Variants in APBB2 observed in about 807,000 individuals in gnomAD.
APBB2 encodes the protein Fe65-like 1.
A neutral mutation model predicts 82.5 loss-of-function variants in APBB2; 38 were observed. That is an observed-to-expected ratio of 0.46 (90% CI 0.36 to 0.60). APBB2 has a LOEUF of 0.60. Ranked by LOEUF, APBB2 falls within the 20% of genes least tolerant of loss-of-function variation. The probability of loss-of-function intolerance (pLI) is 0.00; values close to 1 mark genes in which losing one functional copy is unlikely to be tolerated. For missense variants in APBB2, 772 were observed against 972.3 expected, an observed-to-expected ratio of 0.79 and a Z score of 2.74; for synonymous variants, 341 against 368.2, an observed-to-expected ratio of 0.93 and a Z score of 0.85.
rs184580091 is a variant in APBB2 at position 41,019,506 on chromosome 4, A to G, written c.20-5108T>C. On this transcript the variant is annotated intron_variant, in intron 5 of 17. Transcript: ENST00000508593. ...CTCTATGAAGAGAAAGTTTTCCCAGAGAGGAAACAGTCTAGGGGTATGGTG... is the reference window on the plus strand; with the variant it reads ...CTCTATGAAGAGAAAGTTTTCCCAGGGAGGAAACAGTCTAGGGGTATGGTG... Among the ~76,000 whole-genome samples the G allele has an allele frequency of 1.3e-3, 200 of 152,268 alleles. 1 individual carries two copies. The highest frequency in any genetic ancestry group is 4.5e-3 in the African/African-American group (188 of 41,544).
At chr4:41,170,214 T>C (rs193189869) in intron 1 of APBB2, among the ~76,000 whole-genome samples, 11 of 138,368 alleles carry the variant, frequency 7.9e-5, no homozygotes, top group Admixed American at 1.4e-4. Context: ...AAACTATTTC[T>C]TTTTTTCTTT....
intron 12 of APBB2, chr4:40,857,198 G>C (rs979167581): frequency 1.4e-5 from 14 of 984,824 alleles, no homozygotes; most frequent in Non-Finnish European, 1.7e-5. Context: ...TCCCTGCCCC[G>C]CCCGCCGCGG....
intron 12 of APBB2, among the ~76,000 whole-genome samples, chr4:40,840,770 G>A (rs1577868400): frequency 6.6e-6 from 1 of 152,152 alleles, no homozygotes; most frequent in East Asian, 1.9e-4. Context: ...TTATCGAGGT[G>A]GCTTGGGCAA....
intron 6 of APBB2, among the ~76,000 whole-genome samples, chr4:40,988,398 G>A (rs1800983229): frequency 6.6e-6 from 1 of 151,998 alleles, no homozygotes; most frequent in African/African-American, 2.4e-5. Flanking sequence ...CACTTTGGGA[G>A]GTGGAGGCAG....
chr4:40,898,537 TTA>T (rs769495010), intron 10 of APBB2, among the ~76,000 whole-genome samples: 1 of 151,556 alleles, frequency 6.6e-6, no homozygotes, highest in Non-Finnish European at 1.5e-5. Context: ...AGTGCTGGGA[TTA>T]TAGGCATTTG....
chr4:41,128,398 A>C (rs1755028590), intron 2 of APBB2, among the ~76,000 whole-genome samples: 1 of 152,244 alleles, frequency 6.6e-6, no homozygotes, highest in Non-Finnish European at 1.5e-5. Flanking sequence ...CAACCCAGCA[A>C]TCCCATTGTT....
chr4:40,881,138 G>A (rs756979839), intron 12 of APBB2: 6 of 985,242 alleles, frequency 6.1e-6, no homozygotes, highest in South Asian at 4.7e-5. Context: ...TCAGCAAAAC[G>A]GTCAAGTAAA....
intron 6 of APBB2, among the ~76,000 whole-genome samples, chr4:40,954,339 A>G (rs1023753516): frequency 2.6e-5 from 4 of 152,138 alleles, no homozygotes; most frequent in Non-Finnish European, 4.4e-5. Flanking sequence ...CCCTTCCCCA[A>G]CATTTGTGCA....
chr4:40,900,406 G>A (rs1485334676), intron 10 of APBB2, among the ~76,000 whole-genome samples: 1 of 151,064 alleles, frequency 6.6e-6, no homozygotes, highest in South Asian at 2.1e-4. Flanking sequence ...GACCATGAAT[G>A]AAGGATACAC....
chr4:41,171,109 C>T (rs997252937), intron 1 of APBB2, among the ~76,000 whole-genome samples: 14 of 152,196 alleles, frequency 9.2e-5, no homozygotes, highest in African/African-American at 2.7e-4. Flanking sequence ...GAACTCCTGT[C>T]TAGACCCCCT....
chr4:41,153,361 T>A (rs1383977007), intron 1 of APBB2, among the ~76,000 whole-genome samples: 2 of 152,244 alleles, frequency 1.3e-5, no homozygotes, highest in African/African-American at 4.8e-5. Flanking sequence ...ACCTAAGCAG[T>A]ATTAGTCTTA....
At chr4:40,983,583 T>G (rs986701097) in intron 6 of APBB2, among the ~76,000 whole-genome samples, 17 of 366 alleles carry the variant, frequency 0.046, no homozygotes, top group Admixed American at 0.12. Context: ...AATTATGACT[T>G]TTTTTTTTTT....
intron 3 of APBB2, among the ~76,000 whole-genome samples, chr4:41,075,384 T>C (rs1348862362): frequency 6.6e-6 from 1 of 152,242 alleles, no homozygotes; most frequent in Admixed American, 6.5e-5. Context: ...ATACTCGGCC[T>C]TGATTCTGCT....
At chr4:41,096,561 T>C (rs1005657764) in intron 3 of APBB2, among the ~76,000 whole-genome samples, 10 of 152,232 alleles carry the variant, frequency 6.6e-5, no homozygotes, top group Admixed American at 3.9e-4. Context: ...CACACACACA[T>C]CCATGTTTTC....
At chr4:40,962,629 G>C (rs1275583296) in intron 6 of APBB2, among the ~76,000 whole-genome samples, 1 of 152,126 alleles carries the variant, frequency 6.6e-6, no homozygotes, top group Non-Finnish European at 1.5e-5. Context: ...ATGTATTTAG[G>C]AGTGGTCCCC....
chr4:41,185,657 CT>C (rs1358069743), intron 1 of APBB2, among the ~76,000 whole-genome samples: 1 of 152,116 alleles, frequency 6.6e-6, no homozygotes, highest in Non-Finnish European at 1.5e-5. Context: ...TTGGCCTTCA[CT>C]TTATTGCAAC....
chr4:40,967,925 T>C lies in APBB2; in HGVS notation c.836-22852A>G, dbSNP rs374680475. Among the ~76,000 whole-genome samples the C allele has an allele frequency of 1.8e-4, 28 of 152,298 alleles. No homozygotes were observed. In the South Asian group the frequency reaches 5.2e-3, roughly 28 times the overall value. On this transcript the variant is annotated intron_variant, in intron 6 of 17. Transcript: ENST00000508593. ...CCCATCAAGTGGAAGGGAGGGCTTT[T>C]AGAGGGGTAGGCTGAGATGCTGGGT...
rs533280667 is a variant in APBB2 at position 40,863,829 on chromosome 4, G to A, written c.1529+26535C>T. On this transcript the variant is annotated intron_variant, in intron 12 of 17. Transcript: ENST00000508593. ...AATTCACTTGAACCCGAAAGGCAGAGGTTGTAGTGAGCTGAGATCACACCA... is the reference window on the plus strand; with the variant it reads ...AATTCACTTGAACCCGAAAGGCAGAAGTTGTAGTGAGCTGAGATCACACCA... Among the ~76,000 whole-genome samples the A allele has an allele frequency of 9.7e-5, 14 of 145,048 alleles. No individual in the cohort carries two copies. The South Asian group carries it at 2.4e-3, about 25-fold the overall frequency.
At chr4:41,156,980 C>T (rs1318195966) in intron 1 of APBB2, among the ~76,000 whole-genome samples, 2 of 151,120 alleles carry the variant, frequency 1.3e-5, no homozygotes, top group Non-Finnish European at 2.9e-5. Flanking sequence ...GCAGGAGAAT[C>T]GCTTGAACCC....
Sources: gnomAD v4.1 joint callset for allele counts (sites outside exome capture counted in the v4.1 genomes callset) on GRCh38, gnomAD v4.1.1 for gene constraint, MANE v1.5 for transcripts, NCBI Gene and HGNC (gene_info 2026-07-23, HGNC 2026-07-21) for gene names.